The following EPC1 variants were observed in gnomAD, a reference collection of about 807,000 sequenced individuals.
EPC1 encodes the protein enhancer of polycomb homolog 1.
In EPC1, 12 loss-of-function variants were observed where a neutral mutation model predicts 98.4. The ratio of observed to expected loss-of-function variants is 0.12; its 90% confidence interval spans 0.08 to 0.20. EPC1 has a LOEUF of 0.20. Among genes scored for constraint, EPC1 ranks in the 10% least tolerant of loss-of-function variants. The probability of loss-of-function intolerance (pLI) is 1.00; values close to 1 mark genes in which losing one functional copy is unlikely to be tolerated. For missense variants in EPC1, 729 were observed against 990.5 expected (o/e 0.74, Z 3.54); for synonymous variants, 357 against 363.9 (o/e 0.98, Z 0.21).
chr10:32,365,823 A>G (rs1450885970), intron 1 of EPC1, among the ~76,000 whole-genome samples: 1 of 29,842 alleles, frequency 3.4e-5, no homozygotes, highest in Non-Finnish European at 8.5e-5. Context: ...GTCTCACAAA[A>G]AAAAAAAAAA....
intron 1 of EPC1, among the ~76,000 whole-genome samples, chr10:32,375,679 G>A (rs1232102422): frequency 2.0e-5 from 3 of 151,970 alleles, no homozygotes; most frequent in Admixed American, 1.3e-4. Context: ...TGGGCAGGAT[G>A]AGAAAAATGA....
chr10:32,282,833 G>A (rs1040169769), intron 10 of EPC1: 5 of 152,196 alleles, frequency 3.3e-5, no homozygotes, highest in African/African-American at 1.2e-4. Flanking sequence ...TTTCTGAGAA[G>A]TCTTAAAGAA....
chr10:32,333,521 A>C (rs574399259), intron 1 of EPC1, among the ~76,000 whole-genome samples: 2 of 152,366 alleles, frequency 1.3e-5, no homozygotes, highest in African/African-American at 4.8e-5. Context: ...GATGGTTTAG[A>C]AAATTTGCAG....
intron 1 of EPC1, among the ~76,000 whole-genome samples, chr10:32,352,500 G>T (rs1373853341): frequency 6.6e-6 from 1 of 152,118 alleles, no homozygotes; most frequent in Non-Finnish European, 1.5e-5. Flanking sequence ...CTCAATAGAT[G>T]TAAGATATTG....
At chr10:32,303,202 C>T (rs1380817798) in intron 2 of EPC1, among the ~76,000 whole-genome samples, 1 of 152,122 alleles carries the variant, frequency 6.6e-6, no homozygotes, top group Non-Finnish European at 1.5e-5. Context: ...ACTCGGGAGG[C>T]TGAGGCACGA....
At chr10:32,277,719 A>C (rs1280837232) in intron 10 of EPC1, among the ~76,000 whole-genome samples, 1 of 152,044 alleles carries the variant, frequency 6.6e-6, no homozygotes, top group Non-Finnish European at 1.5e-5. Context: ...GGCGAGCATC[A>C]CTATGCCTGG....
At chr10:32,272,473 T>C (rs964875447) in intron 11 of EPC1, among the ~76,000 whole-genome samples, 2 of 152,182 alleles carry the variant, frequency 1.3e-5, no homozygotes, top group Non-Finnish European at 2.9e-5. Flanking sequence ...ACACAAAATG[T>C]TGGACAAGAA....
intron 1 of EPC1, among the ~76,000 whole-genome samples, chr10:32,336,137 C>T (rs536062202): frequency 4.7e-5 from 7 of 150,070 alleles, no homozygotes; most frequent in African/African-American, 1.5e-4. Flanking sequence ...GGCACGATCT[C>T]GGCTCACTGC....
Position 32,292,556 on chromosome 10 carries a change from T to C in EPC1, c.755A>G (p.Lys252Arg). The C allele has an allele frequency of 6.2e-7, 1 of 1,607,208 alleles. No homozygotes were observed. The highest frequency in any genetic ancestry group is 1.3e-5 in the African/African-American group (1 of 74,716). ...CTCTCTTTTACTTTTTTCTCTTCTT[T>C]TTATCATCTCTAGAATAGTAACAGC... ...SRAVTILEMIKRREKSKRELL... is the reference protein window; with the variant it reads ...SRAVTILEMIRRREKSKRELL... The change falls in exon 5 of 14, where the codon AAA becomes AGA. Residue 252 changes from lysine (K) to arginine (R), a missense_variant. By Grantham distance (26) the Lys-to-Arg change is conservative (BLOSUM62 2). This residue lies in a region of EPC1 where 39 missense variants were observed against 94.9 expected (regional missense o/e 0.41). Transcript: ENST00000319778.
chr10:32,270,455 C>T (rs779438737), intron 13 of EPC1, among the ~76,000 whole-genome samples: 7 of 152,120 alleles, frequency 4.6e-5, no homozygotes, highest in African/African-American at 1.7e-4. Context: ...AAATCCAAGA[C>T]GGCAAGTTAG....
Position 32,347,047 on chromosome 10 carries a change from T to G in EPC1, c.-132A>C. 1 of 1,468,930 alleles carries G rather than the reference T, an allele frequency of 6.8e-7. No individual in the cohort carries two copies. Among genetic ancestry groups the G allele is most frequent in the Non-Finnish European group, 9.0e-7 (1 of 1,115,998 alleles). 91.0% of individuals were successfully genotyped at this position (1,468,930 alleles called of 1,614,324 possible). A position where few individuals can be genotyped will look rare whatever the true frequency, so the allele number is the denominator to read the frequency against. On this transcript the variant is annotated 5_prime_UTR_variant, in exon 1 of 14. Coordinates refer to ENST00000319778, the MANE Select transcript of EPC1 (RefSeq NM_001272004.3). Reference sequence around the variant, plus strand: ...GAGGGGCGGAGCGCAGAGCCCGCCGTCCGGGCACTAACACCAGCCGGGAGG... The same window carrying G: ...GAGGGGCGGAGCGCAGAGCCCGCCGGCCGGGCACTAACACCAGCCGGGAGG...
At chr10:32,347,262 A>G (rs151201938), upstream of EPC1, 8,270 of 1,109,042 alleles carry the variant, frequency 7.5e-3, 438 homozygotes, top group African/African-American at 0.12. Context: ...CGCCGGCACG[A>G]AGCGCGCGTC....
intron 1 of EPC1, among the ~76,000 whole-genome samples, chr10:32,316,450 A>C (rs757851055): frequency 6.6e-6 from 1 of 152,194 alleles, no homozygotes; most frequent in South Asian, 2.1e-4. Context: ...AGATGAACAA[A>C]CTGTGGTAAA....
At chr10:32,303,885 C>T (rs1835722425) in intron 2 of EPC1, among the ~76,000 whole-genome samples, 1 of 152,350 alleles carries the variant, frequency 6.6e-6, no homozygotes, top group Admixed American at 6.5e-5. Context: ...GAAGTTAATA[C>T]TGGATGAGGC....
intron 1 of EPC1, among the ~76,000 whole-genome samples, chr10:32,312,417 A>G (rs1836293349): frequency 6.6e-6 from 1 of 152,262 alleles, no homozygotes; most frequent in Non-Finnish European, 1.5e-5. Flanking sequence ...ATACTTTTAA[A>G]GAAAAAGACA....
chr10:32,328,448 G>A (rs1837434588), intron 1 of EPC1, among the ~76,000 whole-genome samples: 1 of 152,172 alleles, frequency 6.6e-6, no homozygotes, highest in Non-Finnish European at 1.5e-5. Flanking sequence ...ACAACCCAGA[G>A]CCTGAATTAA....
chr10:32,365,324 CA>C (rs1466659733), intron 1 of EPC1, among the ~76,000 whole-genome samples: 1 of 151,954 alleles, frequency 6.6e-6, no homozygotes, highest in Non-Finnish European at 1.5e-5. Context: ...TAAAGCAGAT[CA>C]AAATAACCAT....
chr10:32,271,221 C>T (rs1835827458), intron 13 of EPC1, among the ~76,000 whole-genome samples: 1 of 152,062 alleles, frequency 6.6e-6, no homozygotes, highest in Non-Finnish European at 1.5e-5. Flanking sequence ...GAACTCCTGA[C>T]CTTAGGTGAT....
chr10:32,308,308 T>G (rs1835992010), intron 1 of EPC1, among the ~76,000 whole-genome samples: 1 of 151,812 alleles, frequency 6.6e-6, no homozygotes, highest in Non-Finnish European at 1.5e-5. Context: ...GAGAATCGCT[T>G]GAATCTGGGA....
Sources: gnomAD v4.1 joint callset for allele counts (sites outside exome capture counted in the v4.1 genomes callset) on GRCh38, gnomAD v4.1.1 for gene constraint, gnomAD v4.1.1 regional missense constraint, MANE v1.5 for transcripts, NCBI Gene and HGNC (gene_info 2026-07-23, HGNC 2026-07-21) for gene names.